The following RUFY4 variants were observed in gnomAD, a reference collection of about 807,000 sequenced individuals.
RUFY4 encodes the protein RUN and FYVE domain containing 4.
A neutral mutation model predicts 69.0 loss-of-function variants in RUFY4; 73 were observed. The observed-to-expected ratio is 1.06, with a 90% CI of 0.88 to 1.29. The LOEUF (loss-of-function observed/expected upper bound fraction) is 1.29. Among genes scored for constraint, RUFY4 ranks in the 50% most tolerant of loss-of-function variants. RUFY4 has a pLI of 0.00. For synonymous variants in RUFY4, 287 were observed against 271.8 expected, an observed-to-expected ratio of 1.06 and a Z score of -0.55; for missense variants, 770 against 705.6, an observed-to-expected ratio of 1.09 and a Z score of -1.03.
chr2:218,060,228 GT>G lies in RUFY4; in HGVS notation c.-1071+1548del, dbSNP rs986532243. On this transcript the variant is annotated intron_variant and NMD_transcript_variant, in intron 3 of 13. Coordinates refer to the RUFY4 transcript ENST00000457754. Reference sequence around the variant, plus strand: ...GCCTCCTCTGCTTCCTGCGACCACAGTGGGGGCTGCACTGACACTGAGACCA... The same window carrying G: ...GCCTCCTCTGCTTCCTGCGACCACAGGGGGGCTGCACTGACACTGAGACCA... 1.3e-5 allele frequency: 14 copies of G among 1,037,928 alleles called. No individual in the cohort carries two copies. In the African/African-American group the frequency reaches 2.2e-4, roughly 16 times the overall value. 64.3% of individuals were successfully genotyped at this position (1,037,928 alleles called of 1,614,324 possible).
rs139730449 is a variant in RUFY4 at position 218,072,830 on chromosome 2, C to A, written c.331C>A (p.Arg111Ser). Residue 111 changes from arginine (R) to serine (S), a missense_variant, in exon 4 of 11, where the codon CGT becomes AGT. Transcript: ENST00000344321. ...TGCCTTCATCCGCTTCTGCCTGGCC[C>A]GTGGGCAGCTGGCTGAGGCCCTGCA... 332 of 1,536,292 alleles carry A rather than the reference C, an allele frequency of 2.2e-4. 1 individual carries two copies. The African/African-American group carries it at 3.1e-3, about 14-fold the overall frequency.
exon 2 of RUFY4, chr2:218,070,802 G>C: frequency 6.5e-7 from 1 of 1,537,286 alleles, no homozygotes; most frequent in South Asian, 1.2e-5. Flanking sequence ...AGGGGCCAGT[G>C]ACGGACACCA....
intron 2 of RUFY4, among the ~76,000 whole-genome samples, chr2:218,056,512 T>A (rs774253392): frequency 4.6e-5 from 7 of 152,206 alleles, no homozygotes; most frequent in Non-Finnish European, 8.8e-5. Flanking sequence ...AGGGATGGGC[T>A]CATCCTGGCA....
At chr2:218,077,754 G>A (rs1312891664) in intron 8 of RUFY4, among the ~76,000 whole-genome samples, 1 of 152,220 alleles carries the variant, frequency 6.6e-6, no homozygotes, top group Admixed American at 6.5e-5. Context: ...AGGTGAGAGA[G>A]GCCCAGGAGC....
At chr2:218,075,393 G>C in exon 7 of RUFY4, 1 of 1,613,264 alleles carries the variant, frequency 6.2e-7, no homozygotes, top group Non-Finnish European at 8.5e-7. Flanking sequence ...ACAGGGGAAG[G>C]GGGCTATGGG....
chr2:218,066,614 G>A (rs183548612), upstream of RUFY4, among the ~76,000 whole-genome samples: 21 of 152,146 alleles, frequency 1.4e-4, no homozygotes, highest in Admixed American at 2.0e-4. Flanking sequence ...ATTCAATGAC[G>A]GTACAGACAG....
At chr2:218,078,371 A>G (rs1689683288) in intron 8 of RUFY4, among the ~76,000 whole-genome samples, 1 of 152,212 alleles carries the variant, frequency 6.6e-6, no homozygotes, top group Non-Finnish European at 1.5e-5. Flanking sequence ...AGAATGTTCC[A>G]GGCTGCGAGA....
intron 6 of RUFY4, 21 bp from the exon 9 acceptor site, chr2:218,075,072 G>T: frequency 6.7e-7 from 1 of 1,492,610 alleles, no homozygotes; most frequent in African/African-American, 1.4e-5. Context: ...AGGGATGACT[G>T]GTTTTGGGTC....
chr2:218,078,065 G>A (rs537849016), intron 8 of RUFY4, among the ~76,000 whole-genome samples: 2 of 152,182 alleles, frequency 1.3e-5, no homozygotes, highest in Non-Finnish European at 2.9e-5. Flanking sequence ...TCTGAGCCAG[G>A]CCTGTCCTAG....
Position 218,078,029 on chromosome 2 carries a change from A to T in RUFY4, c.1355+1496A>T, listed in dbSNP as rs1395739582. Among the ~76,000 whole-genome samples, 3 of 152,176 alleles carry T rather than the reference A, an allele frequency of 2.0e-5. No individual in the cohort carries two copies. The East Asian group carries it at 5.8e-4, about 29-fold the overall frequency. On this transcript the variant is annotated intron_variant, in intron 8 of 10. Coordinates refer to ENST00000344321, the Ensembl canonical transcript of RUFY4. ...GCCACCTGTCACTCATCATTCAGTC[A>T]TTCCACAAACACCCTGTGCACCCAC...
intron 9 of RUFY4, among the ~76,000 whole-genome samples, chr2:218,087,244 A>G (rs1165739907): frequency 2.0e-5 from 3 of 152,166 alleles, no homozygotes; most frequent in Admixed American, 1.3e-4. Context: ...ATGGTAGCTG[A>G]TAGTCACATG....
At chr2:218,082,593 AGT>A in intron 8 of RUFY4, among the ~76,000 whole-genome samples, 1 of 152,214 alleles carries the variant, frequency 6.6e-6, no homozygotes, top group East Asian at 1.9e-4. Context: ...TGTGCAGTTC[AGT>A]GTGTGGTGTG....
At chr2:218,064,100 G>T (rs527441592) in intron 3 of RUFY4, among the ~76,000 whole-genome samples, 2 of 152,086 alleles carry the variant, frequency 1.3e-5, no homozygotes, top group African/African-American at 4.8e-5. Context: ...CACCAGATTC[G>T]CTGTACTTAC....
chr2:218,071,928 G>T (rs1421261894), intron 2 of RUFY4, among the ~76,000 whole-genome samples: 1 of 152,100 alleles, frequency 6.6e-6, no homozygotes, highest in Non-Finnish European at 1.5e-5. Context: ...TCTCCTCAAA[G>T]AACACACATT....
intron 8 of RUFY4, among the ~76,000 whole-genome samples, chr2:218,080,566 C>T (rs1291976488): frequency 6.6e-6 from 1 of 152,178 alleles, no homozygotes; most frequent in Non-Finnish European, 1.5e-5. Flanking sequence ...CTCAGATGCT[C>T]ATGGGGCCAT....
chr2:218,072,689 T>C (rs1689517488), intron 3 of RUFY4, 90 bp from the exon 6 acceptor site: 6 of 1,303,622 alleles, frequency 4.6e-6, no homozygotes, highest in African/African-American at 1.5e-5. Context: ...CCCTTCCCAT[T>C]GCCAAGCACT....
intron 2 of RUFY4, 140 bp from the exon 5 acceptor site, chr2:218,072,234 A>G (rs1309925729): frequency 1.0e-6 from 1 of 989,964 alleles, no homozygotes; most frequent in Non-Finnish European, 1.4e-6. Flanking sequence ...CACAGCCAGT[A>G]AGGACAGGGC....
chr2:218,050,036 T>C (rs1688910098), intron 2 of RUFY4, among the ~76,000 whole-genome samples: 1 of 152,146 alleles, frequency 6.6e-6, no homozygotes, highest in Non-Finnish European at 1.5e-5. Flanking sequence ...GAGTGAGAAC[T>C]TCTATCCTCA....
chr2:218,066,129 G>T (rs1313103831), upstream of RUFY4, among the ~76,000 whole-genome samples: 1 of 87,134 alleles, frequency 1.1e-5, no homozygotes, highest in Admixed American at 1.4e-4. Flanking sequence ...TGGTTGCTGA[G>T]ATGATGATGA....
Sources: gnomAD v4.1 joint callset for allele counts (sites outside exome capture counted in the v4.1 genomes callset) on GRCh38, gnomAD v4.1.1 for gene constraint, MANE v1.5 for transcripts, NCBI Gene and HGNC (gene_info 2026-07-23, HGNC 2026-07-21) for gene names.